The following TPRN variants were observed in gnomAD, a reference collection of about 807,000 sequenced individuals.
The protein encoded by TPRN is taperin.
A neutral mutation model predicts 42.6 loss-of-function variants in TPRN; 32 were observed. That is an observed-to-expected ratio of 0.75 (90% CI 0.57 to 1.01). The LOEUF (loss-of-function observed/expected upper bound fraction) is 1.01, where lower values mean the gene tolerates loss of function less well. TPRN is among the 50% of genes least tolerant of loss of function. The pLI is 0.00. For synonymous variants in TPRN, 541 were observed against 445.6 expected, an observed-to-expected ratio of 1.21 and a Z score of -2.70; for missense variants, 1,095 against 957.5, an observed-to-expected ratio of 1.14 and a Z score of -1.90.
chr9:137,192,832 G>C, intron 1 of TPRN, 141 bp from the exon 2 acceptor site: 4 of 880,332 alleles, frequency 4.5e-6, no homozygotes, highest in Non-Finnish European at 7.2e-6. Flanking sequence ...GGCTCCAGGA[G>C]GGGGCACAGA....
chr9:137,192,698 G>A lies in TPRN; in HGVS notation c.1726-7C>T, dbSNP rs377461469. ...CGTTGAAGGAGATCTTCATCTGGGA[G>A]TGAGAGTCACGTGAACGAGGGCTGA... is the stretch of plus-strand genomic sequence containing the variant. On this transcript the variant is annotated splice_polypyrimidine_tract_variant and splice_region_variant and intron_variant, in intron 1 of 3. Coordinates refer to ENST00000409012, the MANE Select transcript of TPRN (RefSeq NM_001128228.3). The A allele has an allele frequency of 1.9e-4, 309 of 1,613,458 alleles. 1 individual carries two copies. Among genetic ancestry groups the A allele is most frequent in the South Asian group, 7.2e-4 (66 of 91,080 alleles).
At chr9:137,192,234 A>C (rs1463181686) in intron 3 of TPRN, 25 bp downstream of exon 3, 2 of 1,612,976 alleles carry the variant, frequency 1.2e-6, no homozygotes, top group African/African-American at 2.7e-5. Flanking sequence ...GACTCCCCCC[A>C]GCGCTCCACT....
chr9:137,200,706 G>T lies in TPRN; in HGVS notation c.6C>A (p.Ala2=). The change falls in exon 1 of 4, where the codon GCC becomes GCA. Residue 2 remains alanine (A), a synonymous_variant. Coordinates refer to ENST00000409012, the MANE Select transcript of TPRN (RefSeq NM_001128228.3). The surrounding 1 kb of genome is among the most constrained non-coding windows in gnomAD (Gnocchi z 4.3). ...GCCCCGAGCCCGGCCGCCCCAGGGCGGCCATGCTGCGAACGCGGCAGCGGA... is the reference window on the plus strand; with the variant it reads ...GCCCCGAGCCCGGCCGCCCCAGGGCTGCCATGCTGCGAACGCGGCAGCGGA... M[A]ALGRPGSGPR... 2 of 1,171,386 alleles carry T rather than the reference G, an allele frequency of 1.7e-6. No homozygotes were observed. The highest frequency in any genetic ancestry group is 4.9e-5 in the East Asian group (1 of 20,372). The allele number at this position is 1,171,386 out of a possible 1,614,324, so 72.6% of individuals were successfully genotyped here. A position where few individuals can be genotyped will look rare whatever the true frequency, so the allele number is the denominator to read the frequency against.
rs548677168 is a variant in TPRN, at chr9:137,199,732, G to C, written c.980C>G (p.Ser327Cys). 4.3e-6 allele frequency: 7 copies of C among 1,612,096 alleles called. No individual in the cohort carries two copies. Among genetic ancestry groups the C allele is most frequent in the South Asian group, 2.2e-5 (2 of 90,878 alleles). The change falls in exon 1 of 4, where the codon TCT (serine) becomes TGT (cysteine). Residue 327 changes from serine to cysteine, a missense_variant. Coordinates refer to ENST00000409012, the MANE Select transcript of TPRN (RefSeq NM_001128228.3). ...ARALASLRAN[S>C]RNSFMVIPKS... ...GGGGATGACCATGAAAGAATTTCGA[G>C]AGTTTGCGCGGAGGCTGGCCAGCGC...
rs923024578 is a variant in TPRN, at chr9:137,192,032, G to A, written c.*80C>T. 7 of 1,534,618 alleles carry A rather than the reference G, an allele frequency of 4.6e-6. No homozygotes were observed. Among genetic ancestry groups the A allele is most frequent in the South Asian group, 1.1e-5 (1 of 88,798 alleles). Reference sequence around the variant, plus strand: ...CAGTGAGGCCAAACAAGGCAGAAGCGGGTGCAGTAGTCCCTGGCTACTGCC... The same window carrying A: ...CAGTGAGGCCAAACAAGGCAGAAGCAGGTGCAGTAGTCCCTGGCTACTGCC... On this transcript the variant is annotated 3_prime_UTR_variant, in exon 4 of 4. Transcript: ENST00000409012.
intron 1 of TPRN, chr9:137,194,265 G>T: frequency 6.6e-6 from 1 of 152,470 alleles, no homozygotes. Flanking sequence ...AGGCCAGGCA[G>T]GGAGAGGCTG....
In TPRN at chr9:137,199,375, C is replaced by T. The variant is rs375074046; in HGVS notation, c.1337G>A (p.Arg446Gln). The change falls in exon 1 of 4, where the codon CGG (arginine) becomes CAG (glutamine). Residue 446 changes from arginine (R) to glutamine (Q), a missense_variant. Transcript: ENST00000409012. Reference sequence around the variant, plus strand: ...AGGCAGCCCCGGCCTCACATATTCCCGGCTATTCTTGGCCAAGCCAGGAAC... The same window carrying T: ...AGGCAGCCCCGGCCTCACATATTCCTGGCTATTCTTGGCCAAGCCAGGAAC... ...LRVPGLAKNS[R>Q]EYVRPGLPVT... 11 of 1,612,696 alleles carry T rather than the reference C, an allele frequency of 6.8e-6. No individual in the cohort carries two copies. Among genetic ancestry groups the T allele is most frequent in the African/African-American group, 4.0e-5 (3 of 74,944 alleles).
Position 137,200,043 on chromosome 9 carries a change from G to A in TPRN, c.669C>T (p.Asn223=), listed in dbSNP as rs1040744873. The A allele has an allele frequency of 2.3e-4, 327 of 1,437,650 alleles. No individual in the cohort carries two copies. The highest frequency in any genetic ancestry group is 9.2e-4 in the Middle Eastern group (4 of 4,336). The allele number at this position is 1,437,650 out of a possible 1,614,324, so 89.1% of individuals were successfully genotyped here. A position where few individuals can be genotyped will look rare whatever the true frequency, so the allele number is the denominator to read the frequency against. Residue 223 remains asparagine (N), a synonymous_variant, in exon 1 of 4, where the codon AAC becomes AAT. Coordinates refer to ENST00000409012, the MANE Select transcript of TPRN (RefSeq NM_001128228.3). This position sits in a 1 kb window ranked among gnomAD's most constrained non-coding sequence, Gnocchi z 4.3. ...CCCGGGGCTCAGGGGCCGAGTGCCC[G>A]TTGGAGAGCAGGCGGGCGCCCGCGC... ...HRGAGARLLS[N]GHSAPEPRAG... is the part of the protein sequence containing the mutation.
intron 1 of TPRN, chr9:137,193,892 G>A (rs1326419427): frequency 1.3e-5 from 2 of 152,368 alleles, no homozygotes; most frequent in East Asian, 3.9e-4. Flanking sequence ...ACAGGGCCAA[G>A]GGCACACACT....
In TPRN at chr9:137,192,347, G is replaced by A. The variant is rs767355968; in HGVS notation, c.1985C>T (p.Pro662Leu). ...EGSSGLSSYT[P>L]KHSVAFSKWQ... ...CTTGCTGAAGGCCACAGAGTGCTTC[G>A]GGGTGTAGCTGGACAGGCCTGTGAA... The change falls in exon 3 of 4, where the codon CCG becomes CTG. Residue 662 changes from proline (P) to leucine (L), a missense_variant. Coordinates refer to ENST00000409012, the MANE Select transcript of TPRN (RefSeq NM_001128228.3). 15 of 1,612,854 alleles carry A rather than the reference G, an allele frequency of 9.3e-6. No homozygotes were observed. The highest frequency in any genetic ancestry group is 6.7e-5 in the African/African-American group (5 of 74,934).
chr9:137,198,138 G>A (rs1045251768), intron 1 of TPRN, among the ~76,000 whole-genome samples: 8 of 152,202 alleles, frequency 5.3e-5, no homozygotes, highest in African/African-American at 1.4e-4. Context: ...CAAGGGAGGC[G>A]CCCCAGGCGC....
chr9:137,200,301 C>T lies in TPRN; in HGVS notation c.411G>A (p.Leu137=), dbSNP rs1834786146. Residue 137 remains leucine (L), a synonymous_variant, in exon 1 of 4, where the codon CTG becomes CTA. Transcript: ENST00000409012. This position sits in a 1 kb window ranked among gnomAD's most constrained non-coding sequence, Gnocchi z 4.3. ...GCGCGGCGGGCGGGTCGAACCTCTC[C>T]AGTAGGCGGCTGACGCGGCCGGGCG... The part of the protein sequence containing the change: ...GAPPGRVSRL[L]ERFDPPAAPR... 1 of 995,578 alleles carries T rather than the reference C, an allele frequency of 1.0e-6. No individual in the cohort carries two copies. Among genetic ancestry groups the T allele is most frequent in the South Asian group, 4.5e-5 (1 of 22,166 alleles). The allele number at this position is 995,578 out of a possible 1,614,324, so 61.7% of individuals were successfully genotyped here. A position where few individuals can be genotyped will look rare whatever the true frequency, so the allele number is the denominator to read the frequency against.
chr9:137,200,113 G>A lies in TPRN; in HGVS notation c.599C>T (p.Thr200Ile). 1 of 1,262,714 alleles carries A rather than the reference G, an allele frequency of 7.9e-7. No homozygotes were observed. 78.2% of individuals were successfully genotyped at this position (1,262,714 alleles called of 1,614,324 possible). ...GTGGACGGTGAAGGAGTTGCTGCCG[G>A]TCTTCTGGAGGAAGTCGCTGCGCCG... ...GARRSDFLQK[T>I]GSNSFTVHPR... Residue 200 changes from threonine (T) to isoleucine (I), a missense_variant, in exon 1 of 4, where the codon ACC (threonine) becomes ATC (isoleucine). Transcript: ENST00000409012. The surrounding 1 kb of genome is among the most constrained non-coding windows in gnomAD (Gnocchi z 4.3).
intron 1 of TPRN, among the ~76,000 whole-genome samples, chr9:137,196,591 A>G (rs1381849311): frequency 6.6e-6 from 1 of 152,098 alleles, no homozygotes; most frequent in East Asian, 1.9e-4. Context: ...CTGTCTCAAA[A>G]AACAAAAAAT....
intron 1 of TPRN, 36 bp from the exon 2 acceptor site, chr9:137,192,727 C>T: frequency 6.2e-7 from 1 of 1,607,646 alleles, no homozygotes; most frequent in Non-Finnish European, 8.5e-7. Context: ...GGGCTGAGGG[C>T]CCACATGGGC....
chr9:137,199,863 C>T lies in TPRN; in HGVS notation c.849G>A (p.Gln283=). The part of the protein sequence containing the change: ...ASPPASATPS[Q]RQCVSAATST... ...TGGTGGCTGCGGAGACGCACTGGCG[C>T]TGGCTAGGAGTGGCACTGGCAGGGG... The change falls in exon 1 of 4, where the codon CAG becomes CAA. Residue 283 remains glutamine, a synonymous_variant. Coordinates refer to ENST00000409012, the MANE Select transcript of TPRN (RefSeq NM_001128228.3). The T allele has an allele frequency of 7.6e-7, 1 of 1,317,392 alleles. No individual in the cohort carries two copies. Among genetic ancestry groups the T allele is most frequent in the South Asian group, 1.2e-5 (1 of 81,880 alleles). The allele number at this position is 1,317,392 out of a possible 1,614,324, so 81.6% of individuals were successfully genotyped here.
At chr9:137,194,057 C>T (rs1834671734) in intron 1 of TPRN, 2 of 152,348 alleles carry the variant, frequency 1.3e-5, no homozygotes, top group African/African-American at 4.8e-5. Context: ...ACAGCTCACA[C>T]AGAGCCCTGC....
In TPRN at chr9:137,200,577, C is replaced by T. The variant is rs1834794501; in HGVS notation, c.135G>A (p.Glu45=). 1 of 1,150,574 alleles carries T rather than the reference C, an allele frequency of 8.7e-7. No individual in the cohort carries two copies. The highest frequency in any genetic ancestry group is 3.8e-5 in the South Asian group (1 of 26,238). The allele number at this position is 1,150,574 out of a possible 1,614,324, so 71.3% of individuals were successfully genotyped here. ...CCAGGCTCTCGGCCAGCACCCGCTGCTCGGGCTCCGCCGCCCCGGGCCCCG... is the reference window on the plus strand; with the variant it reads ...CCAGGCTCTCGGCCAGCACCCGCTGTTCGGGCTCCGCCGCCCCGGGCCCCG... ...GGAGPGAAEP[E]QRVLAESLGP... The change falls in exon 1 of 4, where the codon GAG becomes GAA. Residue 45 remains glutamate (E), a synonymous_variant. Coordinates refer to ENST00000409012, the MANE Select transcript of TPRN (RefSeq NM_001128228.3). The surrounding 1 kb of genome is among the most constrained non-coding windows in gnomAD (Gnocchi z 4.3).
Position 137,199,021 on chromosome 9 carries a change from G to A in TPRN, c.1691C>T (p.Ser564Phe). The A allele has an allele frequency of 6.2e-7, 1 of 1,613,064 alleles. No homozygotes were observed. The highest frequency in any genetic ancestry group is 8.5e-7 in the Non-Finnish European group (1 of 1,179,992). The change falls in exon 1 of 4, where the codon TCC becomes TTC. Residue 564 changes from serine to phenylalanine, a missense_variant. Transcript: ENST00000409012. ...VIGGYLALQKSCLTKAGSSRK... is the reference protein window; with the variant it reads ...VIGGYLALQKFCLTKAGSSRK... Reference sequence around the variant, plus strand: ...TGAGGAGCCAGCCTTGGTGAGGCAGGACTTCTGCAGGGCCAGGTAGCCGCC... The same window carrying A: ...TGAGGAGCCAGCCTTGGTGAGGCAGAACTTCTGCAGGGCCAGGTAGCCGCC...
Sources: gnomAD v4.1 joint callset for allele counts (sites outside exome capture counted in the v4.1 genomes callset) on GRCh38, gnomAD v4.1.1 for gene constraint, Gnocchi (gnomAD v3.1) non-coding constraint, MANE v1.5 for transcripts, NCBI Gene and HGNC (gene_info 2026-07-23, HGNC 2026-07-21) for gene names.